FARS2: variants seen among roughly 807,000 people sequenced by gnomAD.
FARS2 encodes phenylalanine--tRNA ligase, mitochondrial.
Under a neutral mutation model 46.4 loss-of-function variants are expected in FARS2, and 40 were observed. That is an observed-to-expected ratio of 0.86 (90% confidence interval 0.67 to 1.12). FARS2 has a LOEUF of 1.12. FARS2 is among the 50% of genes most tolerant of loss of function. The probability of loss-of-function intolerance (pLI) is 0.00; values close to 1 mark genes in which losing one functional copy is unlikely to be tolerated. For missense variants in FARS2, 513 were observed against 567.9 expected, an observed-to-expected ratio of 0.90 and a Z score of 0.98; for synonymous variants, 234 against 214.9, an observed-to-expected ratio of 1.09 and a Z score of -0.78.
intron 1 of FARS2, among the ~76,000 whole-genome samples, chr6:5,281,372 G>A (rs1016298469): frequency 2.6e-5 from 4 of 152,156 alleles, no homozygotes; most frequent in African/African-American, 7.2e-5. Flanking sequence ...AATTAGAAAT[G>A]AAAAGAACCT....
chr6:5,455,301 A>C (rs1054225719), intron 4 of FARS2, among the ~76,000 whole-genome samples: 6 of 152,226 alleles, frequency 3.9e-5, no homozygotes, highest in African/African-American at 1.2e-4. Flanking sequence ...TGCCTTTCAA[A>C]ATATATACAC....
chr6:5,576,852 A>G (rs900519541), intron 5 of FARS2, among the ~76,000 whole-genome samples: 7 of 151,720 alleles, frequency 4.6e-5, no homozygotes, highest in Non-Finnish European at 8.8e-5. Flanking sequence ...TTAATTTTGA[A>G]CCTCTTATCT....
intron 4 of FARS2, among the ~76,000 whole-genome samples, chr6:5,437,756 C>G (rs1279099659): frequency 6.6e-6 from 1 of 152,052 alleles, no homozygotes; most frequent in Non-Finnish European, 1.5e-5. Flanking sequence ...CAATGTTACA[C>G]TTTTCCTTTA....
chr6:5,735,011 C>T (rs143335217), intron 6 of FARS2, among the ~76,000 whole-genome samples: 20 of 152,244 alleles, frequency 1.3e-4, no homozygotes, highest in African/African-American at 3.6e-4. Flanking sequence ...AGATTCACTC[C>T]GCGTTTATTG....
intron 4 of FARS2, among the ~76,000 whole-genome samples, chr6:5,453,715 C>T (rs1318506576): frequency 6.6e-6 from 1 of 152,186 alleles, no homozygotes; most frequent in Non-Finnish European, 1.5e-5. Flanking sequence ...ACTTGCAGCT[C>T]CTGTGTGTGT....
At chr6:5,577,105 A>G (rs1773032237) in intron 5 of FARS2, among the ~76,000 whole-genome samples, 2 of 152,170 alleles carry the variant, frequency 1.3e-5, no homozygotes, top group South Asian at 4.1e-4. Context: ...AATCCTAGCC[A>G]GGAGGGTACT....
chr6:5,321,179 A>G (rs1246911671), intron 1 of FARS2, among the ~76,000 whole-genome samples: 1 of 152,228 alleles, frequency 6.6e-6, no homozygotes, highest in Non-Finnish European at 1.5e-5. Flanking sequence ...CAAAGTGATC[A>G]TTGCCCCAGT....
At chr6:5,445,675 T>C (rs1405595248) in intron 4 of FARS2, among the ~76,000 whole-genome samples, 4 of 152,134 alleles carry the variant, frequency 2.6e-5, no homozygotes, top group Non-Finnish European at 4.4e-5. Flanking sequence ...TACTGGAGAG[T>C]GTCTCCAAGC....
intron 2 of FARS2, among the ~76,000 whole-genome samples, chr6:5,394,888 A>G (rs1005124151): frequency 6.6e-6 from 1 of 152,174 alleles, no homozygotes; most frequent in Non-Finnish European, 1.5e-5. Flanking sequence ...GTGGTACAGA[A>G]ACCATATTCC....
chr6:5,762,031 T>C lies in FARS2; in HGVS notation c.1218-9260T>C, dbSNP rs140596892. 6.8e-4 allele frequency among the ~76,000 whole-genome samples: 103 copies of C among 152,288 alleles called. 1 individual carries two copies. The highest frequency in any genetic ancestry group is 2.4e-3 in the African/African-American group (98 of 41,560). On this transcript the variant is annotated intron_variant, in intron 6 of 6. Transcript: ENST00000274680. ...AACTTGCATTTCTAGTAATAATCAC[T>C]GGGCATCATGTGTTCAGGGTTCATC... is the stretch of plus-strand genomic sequence containing the variant.
At chr6:5,299,546 C>T (rs1392792021) in intron 1 of FARS2, among the ~76,000 whole-genome samples, 1 of 152,200 alleles carries the variant, frequency 6.6e-6, no homozygotes, top group African/African-American at 2.4e-5. Context: ...GGAGATGACA[C>T]TTGGGGTTCA....
intron 6 of FARS2, among the ~76,000 whole-genome samples, chr6:5,690,985 C>T (rs1401620568): frequency 2.0e-5 from 3 of 152,156 alleles, no homozygotes; most frequent in East Asian, 1.9e-4. Flanking sequence ...TCCATTTGAT[C>T]GAATCGGCTA....
chr6:5,736,427 C>T (rs984592748), intron 6 of FARS2, among the ~76,000 whole-genome samples: 3 of 152,180 alleles, frequency 2.0e-5, no homozygotes, highest in African/African-American at 7.2e-5. Flanking sequence ...AGATTGCCAC[C>T]ACAGGTGGCA....
chr6:5,710,228 C>A (rs548289626), intron 6 of FARS2, among the ~76,000 whole-genome samples: 2 of 152,300 alleles, frequency 1.3e-5, no homozygotes, highest in South Asian at 4.1e-4. Context: ...CGCCGCTGTA[C>A]AACGCAGCAT....
intron 6 of FARS2, among the ~76,000 whole-genome samples, chr6:5,650,427 AT>A (rs777683664): frequency 9.9e-5 from 15 of 152,206 alleles, no homozygotes; most frequent in Non-Finnish European, 2.2e-4. Flanking sequence ...ATTCAAGGAG[AT>A]TTACCAAGCA....
chr6:5,304,458 G>A (rs1768553352), intron 1 of FARS2, among the ~76,000 whole-genome samples: 1 of 152,198 alleles, frequency 6.6e-6, no homozygotes, highest in Admixed American at 6.5e-5. Context: ...TAGAGTCTCA[G>A]ACATGGCATT....
chr6:5,398,949 T>C (rs1761063976), intron 2 of FARS2, among the ~76,000 whole-genome samples: 2 of 152,040 alleles, frequency 1.3e-5, no homozygotes, highest in Admixed American at 6.6e-5. Context: ...ATTTGCTATG[T>C]TTATTTTGTT....
intron 6 of FARS2, among the ~76,000 whole-genome samples, chr6:5,697,201 T>A (rs370369284): frequency 1.3e-5 from 2 of 152,168 alleles, no homozygotes; most frequent in Non-Finnish European, 1.5e-5. Flanking sequence ...CAGATAACAA[T>A]TGCAAGATTA....
intron 6 of FARS2, among the ~76,000 whole-genome samples, chr6:5,664,767 C>T (rs565204562): frequency 6.6e-6 from 1 of 152,186 alleles, no homozygotes; most frequent in Non-Finnish European, 1.5e-5. Context: ...AGGCATATAA[C>T]TGTGATCTCT....
Sources: allele counts gnomAD v4.1 joint callset (sites outside exome capture counted in the v4.1 genomes callset), GRCh38; gene constraint gnomAD v4.1.1; transcripts MANE v1.5; gene names NCBI Gene and HGNC (gene_info 2026-07-23, HGNC 2026-07-21).